CNTN6: variants seen among roughly 807,000 people sequenced by gnomAD.
CNTN6 encodes the protein contactin 6, also known as contactin-6.
Under a neutral mutation model 122.8 loss-of-function variants are expected in CNTN6, and 137 were observed. The ratio of observed to expected loss-of-function variants is 1.12; its 90% CI spans 0.97 to 1.29. The LOEUF is 1.29. CNTN6 is among the 50% of genes most tolerant of loss of function. The probability of loss-of-function intolerance (pLI) is 0.00; values close to 1 mark genes in which losing one functional copy is unlikely to be tolerated. For missense variants in CNTN6, 1,634 were observed against 1,223.4 expected, an observed-to-expected ratio of 1.34 and a Z score of -5.01; for synonymous variants, 570 against 426.0, an observed-to-expected ratio of 1.34 and a Z score of -4.16.
intron 20 of CNTN6, among the ~76,000 whole-genome samples, chr3:1,395,505 A>G (rs1470783979): frequency 1.3e-5 from 2 of 152,002 alleles, no homozygotes; most frequent in Non-Finnish European, 2.9e-5. Flanking sequence ...ACAGTAGGGT[A>G]CCTTCACATC....
intron 4 of CNTN6, among the ~76,000 whole-genome samples, chr3:1,242,041 G>A (rs181953529): frequency 2.0e-5 from 3 of 152,112 alleles, no homozygotes; most frequent in Admixed American, 6.5e-5. Flanking sequence ...AGAAGGTGCT[G>A]GGGTTTGAGA....
intron 1 of CNTN6, among the ~76,000 whole-genome samples, chr3:1,098,115 T>C (rs2090634358): frequency 6.6e-6 from 1 of 151,712 alleles, no homozygotes; most frequent in Non-Finnish European, 1.5e-5. Context: ...GGGATAGCAT[T>C]GGGAGATATA....
chr3:1,364,811 C>T (rs1036326379), intron 12 of CNTN6, among the ~76,000 whole-genome samples: 1 of 151,892 alleles, frequency 6.6e-6, no homozygotes, highest in Non-Finnish European at 1.5e-5. Flanking sequence ...TAAGGCTATT[C>T]ATCAAAAGCG....
Position 1,331,785 on chromosome 3 carries a change from C to T in CNTN6, c.1364+1850C>T, listed in dbSNP as rs568097260. Among the ~76,000 whole-genome samples, 16 of 138,904 alleles carry T rather than the reference C, an allele frequency of 1.2e-4. No homozygotes were observed. The South Asian group carries it at 2.9e-3, about 26-fold the overall frequency. The allele number at this position is 138,904 out of a possible 152,430, so 91.1% of individuals were successfully genotyped here. On this transcript the variant is annotated intron_variant, in intron 11 of 22. Coordinates refer to ENST00000446702, the MANE Select transcript of CNTN6 (RefSeq NM_001289080.2). The stretch of plus-strand genomic sequence containing the variant: ...GGTCCAAACACGAAGTATGTGGGAA[C>T]AAGAAAGAAAATTAGGAGGAGAATT...
intron 11 of CNTN6, among the ~76,000 whole-genome samples, chr3:1,337,883 C>T (rs1021935337): frequency 1.3e-5 from 2 of 152,016 alleles, no homozygotes; most frequent in African/African-American, 2.4e-5. Flanking sequence ...TTTCATTTTC[C>T]CCTCTTGCCA....
chr3:1,141,577 GA>G (rs1302887684), intron 1 of CNTN6, among the ~76,000 whole-genome samples: 4 of 152,090 alleles, frequency 2.6e-5, no homozygotes, highest in African/African-American at 9.7e-5. Context: ...ACCAATGTGA[GA>G]AAATCATTTC....
At chr3:1,396,268 T>A (rs1401220410) in intron 20 of CNTN6, among the ~76,000 whole-genome samples, 1 of 152,160 alleles carries the variant, frequency 6.6e-6, no homozygotes, top group African/African-American at 2.4e-5. Flanking sequence ...TCTCTCAGCT[T>A]GTAGTACCCC....
At chr3:1,190,149 G>A (rs754012179) in intron 2 of CNTN6, among the ~76,000 whole-genome samples, 2 of 152,156 alleles carry the variant, frequency 1.3e-5, no homozygotes, top group Admixed American at 6.5e-5. Flanking sequence ...TTTCCTGTGT[G>A]TTTGCACAGG....
At chr3:1,210,427 A>AAAAGGAAAGG (rs1467171710) in intron 2 of CNTN6, among the ~76,000 whole-genome samples, 2 of 53,548 alleles carry the variant, frequency 3.7e-5, no homozygotes, top group African/African-American at 2.6e-4. Context: ...AAAGGAAAGA[A>AAAAGGAAAGG]AAAAAAAAGG....
At chr3:1,337,096 C>CATAATAGCA (rs1703185381) in intron 11 of CNTN6, among the ~76,000 whole-genome samples, 4 of 152,112 alleles carry the variant, frequency 2.6e-5, no homozygotes, top group Non-Finnish European at 5.9e-5. Context: ...AGCATAATGC[C>CATAATAGCA]TGACACAGAC....
chr3:1,394,698 T>C (rs949007117), intron 20 of CNTN6, among the ~76,000 whole-genome samples: 1 of 149,566 alleles, frequency 6.7e-6, no homozygotes, highest in Non-Finnish European at 1.5e-5. Context: ...AATTATTCTA[T>C]GTTTTTAAGC....
intron 12 of CNTN6, among the ~76,000 whole-genome samples, chr3:1,365,284 A>G (rs1368639707): frequency 6.6e-6 from 1 of 152,072 alleles, no homozygotes; most frequent in Non-Finnish European, 1.5e-5. Context: ...ATATATCAGA[A>G]TGTATCTTTA....
intron 7 of CNTN6, among the ~76,000 whole-genome samples, chr3:1,310,293 C>T (rs1699027406): frequency 6.6e-6 from 1 of 152,126 alleles, no homozygotes; most frequent in South Asian, 2.1e-4. Context: ...GGAGCTTCCT[C>T]TCCATTCCTA....
intron 1 of CNTN6, among the ~76,000 whole-genome samples, chr3:1,099,182 T>C (rs957504086): frequency 5.9e-5 from 9 of 152,200 alleles, no homozygotes; most frequent in African/African-American, 2.2e-4. Context: ...CCGGGCTCAG[T>C]GGCTCACGCC....
chr3:1,154,341 G>A lies in CNTN6; in HGVS notation c.55+6278G>A, dbSNP rs144753200. Among the ~76,000 whole-genome samples, 17 of 152,156 alleles carry A rather than the reference G, an allele frequency of 1.1e-4. No homozygotes were observed. In the East Asian group the frequency reaches 3.3e-3, roughly 29 times the overall value. On this transcript the variant is annotated intron_variant, in intron 2 of 22. Transcript: ENST00000446702. ...GGAGAGGGTCAAGTATGCTATGGAA[G>A]TAATAACACCAGGTCATATTTTCAC...
chr3:1,280,436 AATGGC>A (rs1431404136), intron 5 of CNTN6, among the ~76,000 whole-genome samples: 1 of 139,034 alleles, frequency 7.2e-6, no homozygotes, highest in Non-Finnish European at 1.6e-5. Context: ...GCATGGGAGT[AATGGC>A]AAACTTGTGT....
At chr3:1,310,974 A>C (rs114368830) in intron 7 of CNTN6, among the ~76,000 whole-genome samples, 3,893 of 152,068 alleles carry the variant, frequency 0.026, 175 homozygotes, top group African/African-American at 0.089. Flanking sequence ...GCAGTTCCCA[A>C]AGGACAAAAA....
At chr3:1,398,873 C>T (rs763946879) in intron 20 of CNTN6, among the ~76,000 whole-genome samples, 2 of 152,170 alleles carry the variant, frequency 1.3e-5, no homozygotes, top group Non-Finnish European at 2.9e-5. Flanking sequence ...GTACTCACTC[C>T]GAATGCAACT....
chr3:1,269,477 C>T (rs770929369), intron 4 of CNTN6, among the ~76,000 whole-genome samples: 1 of 152,176 alleles, frequency 6.6e-6, no homozygotes, highest in African/African-American at 2.4e-5. Flanking sequence ...TTCTGTTTCT[C>T]TCATCTACTT....
Sources: allele counts gnomAD v4.1 joint callset (sites outside exome capture counted in the v4.1 genomes callset), GRCh38; gene constraint gnomAD v4.1.1; transcripts MANE v1.5; gene names NCBI Gene and HGNC (gene_info 2026-07-23, HGNC 2026-07-21).